Variants in UGT1A10 observed in about 807,000 individuals in gnomAD.
The protein encoded by UGT1A10 is UDP glucuronosyltransferase family 1 member A10.
UGT1A10 carries 49 observed loss-of-function variants against 45.8 expected under a neutral mutation model. That is an observed-to-expected ratio of 1.07 (90% CI 0.85 to 1.36). The LOEUF is 1.36. Among genes scored for constraint, UGT1A10 ranks in the 40% most tolerant of loss-of-function variants. The probability of loss-of-function intolerance (pLI) is 0.00; values close to 1 mark genes in which losing one functional copy is unlikely to be tolerated. For synonymous variants in UGT1A10, 284 were observed against 249.7 expected, an observed-to-expected ratio of 1.14 and a Z score of -1.29; for missense variants, 745 against 668.6, an observed-to-expected ratio of 1.11 and a Z score of -1.26.
chr2:233,712,298 G>T (rs1192832696), intron 1 of UGT1A10, among the ~76,000 whole-genome samples: 3 of 152,338 alleles, frequency 2.0e-5, no homozygotes, highest in East Asian at 1.9e-4. Context: ...CCATGGTGTA[G>T]ATGGAGAATC....
At chr2:233,673,188 T>C (rs2741049) in intron 1 of UGT1A10, among the ~76,000 whole-genome samples, 93,563 of 151,962 alleles carry the variant, frequency 0.62, 29,066 homozygotes, top group South Asian at 0.65. Context: ...ATATCTAATG[T>C]AAATTCTCAC....
intron 1 of UGT1A10, chr2:233,649,009 G>A (rs1575400377): frequency 1.5e-6 from 2 of 1,339,552 alleles, no homozygotes; most frequent in Non-Finnish European, 2.1e-6. Context: ...CTGCAATCAG[G>A]GAAAGCCAGT....
At chr2:233,686,386 C>G (rs976765081) in intron 1 of UGT1A10, among the ~76,000 whole-genome samples, 1 of 152,054 alleles carries the variant, frequency 6.6e-6, no homozygotes, top group Non-Finnish European at 1.5e-5. Flanking sequence ...AAAGACAACT[C>G]GTGTGGGCGC....
At chr2:233,756,964 A>G (rs1482766015) in intron 1 of UGT1A10, among the ~76,000 whole-genome samples, 2 of 152,056 alleles carry the variant, frequency 1.3e-5, no homozygotes, top group African/African-American at 4.8e-5. Context: ...GGCACTTGGT[A>G]AGCACGCAAT....
chr2:233,651,783 C>CTG (rs2073747367), intron 1 of UGT1A10, among the ~76,000 whole-genome samples: 1 of 152,242 alleles, frequency 6.6e-6, no homozygotes, highest in Admixed American at 6.5e-5. Context: ...GCATCTGTGC[C>CTG]TGTGTGTGTC....
At chr2:233,679,224 A>G (rs2074445354) in intron 1 of UGT1A10, among the ~76,000 whole-genome samples, 1 of 152,208 alleles carries the variant, frequency 6.6e-6, no homozygotes, top group Admixed American at 6.5e-5. Flanking sequence ...TGGCTAGGGA[A>G]TGGTCCAATA....
intron 1 of UGT1A10, among the ~76,000 whole-genome samples, chr2:233,660,285 C>T (rs1235628610): frequency 6.6e-6 from 1 of 152,132 alleles, no homozygotes; most frequent in Non-Finnish European, 1.5e-5. Context: ...CCATAGAAAA[C>T]CATGTGTAAT....
chr2:233,720,831 G>A (rs1315551380), intron 1 of UGT1A10, among the ~76,000 whole-genome samples: 2 of 150,572 alleles, frequency 1.3e-5, no homozygotes, highest in African/African-American at 2.4e-5. Context: ...TCAGTCTCCT[G>A]AGTAACTGGG....
chr2:233,745,241 G>C (rs1693049313), intron 1 of UGT1A10, among the ~76,000 whole-genome samples: 1 of 151,840 alleles, frequency 6.6e-6, no homozygotes. Context: ...ACTATTTACT[G>C]TATCGAAACC....
At chr2:233,724,935 G>A (rs1212268731) in intron 1 of UGT1A10, among the ~76,000 whole-genome samples, 1 of 143,666 alleles carries the variant, frequency 7.0e-6, no homozygotes, top group South Asian at 2.5e-4. Flanking sequence ...ACGAGACTCC[G>A]TCTGCAATCC....
At chr2:233,706,986 A>C (rs936707267) in intron 1 of UGT1A10, among the ~76,000 whole-genome samples, 2 of 152,186 alleles carry the variant, frequency 1.3e-5, no homozygotes, top group Non-Finnish European at 2.9e-5. Context: ...ACAGATAGGC[A>C]GTAAGAATCA....
At chr2:233,699,721 T>C (rs1221537846) in intron 1 of UGT1A10, among the ~76,000 whole-genome samples, 1 of 152,232 alleles carries the variant, frequency 6.6e-6, no homozygotes, top group East Asian at 1.9e-4. Flanking sequence ...CAGCATTTTT[T>C]ACGGAGCGTT....
chr2:233,637,610 A>G (rs754373694), intron 1 of UGT1A10, among the ~76,000 whole-genome samples: 2 of 152,222 alleles, frequency 1.3e-5, no homozygotes, highest in South Asian at 4.1e-4. Context: ...TTCAGGCTAC[A>G]TTTTAAAATA....
At chr2:233,641,256 C>A (rs1180768305) in intron 1 of UGT1A10, among the ~76,000 whole-genome samples, 1 of 152,158 alleles carries the variant, frequency 6.6e-6, no homozygotes, top group African/African-American at 2.4e-5. Context: ...TCCCATGCCA[C>A]ACCAGTCTCA....
At chr2:233,757,562 G>GTATATATATATA (rs1491042837) in intron 1 of UGT1A10, among the ~76,000 whole-genome samples, 1 of 90,870 alleles carries the variant, frequency 1.1e-5, no homozygotes, top group Non-Finnish European at 2.1e-5. Flanking sequence ...ATATATATAT[G>GTATATATATATA]TATATATGAT....
At chr2:233,716,775 G>C (rs1050671351) in intron 1 of UGT1A10, among the ~76,000 whole-genome samples, 4 of 152,178 alleles carry the variant, frequency 2.6e-5, no homozygotes, top group African/African-American at 9.7e-5. Flanking sequence ...CTCAGGTCAG[G>C]CTTTCGGGAT....
rs2073811971 is a variant in UGT1A10, at chr2:233,654,513, GA to G, written c.855+17143del. ...TCAACCTATCAGTGATTAAGGAATA[GA>G]AAAAAACGTTTTCTGCAGTTGATTA... On this transcript the variant is annotated intron_variant, in intron 1 of 4. Coordinates refer to ENST00000344644, the MANE Select transcript of UGT1A10 (RefSeq NM_019075.4). Among the ~76,000 whole-genome samples, 4 of 152,152 alleles carry G rather than the reference GA, an allele frequency of 2.6e-5. No homozygotes were observed. In the South Asian group the frequency reaches 8.3e-4, roughly 32 times the overall value.
intron 1 of UGT1A10, among the ~76,000 whole-genome samples, chr2:233,703,815 T>A (rs2075754424): frequency 1.3e-5 from 2 of 150,786 alleles, no homozygotes; most frequent in African/African-American, 4.9e-5. Context: ...ATCTCTGTCT[T>A]TTAATTGAGT....
At chr2:233,729,022 G>A (rs1236460241) in intron 1 of UGT1A10, 8 of 1,594,664 alleles carry the variant, frequency 5.0e-6, no homozygotes, top group South Asian at 4.6e-5. Flanking sequence ...CCAATTACAC[G>A]TTGATTTGCT....
Sources: gnomAD v4.1 joint callset for allele counts (sites outside exome capture counted in the v4.1 genomes callset) on GRCh38, gnomAD v4.1.1 for gene constraint, MANE v1.5 for transcripts, NCBI Gene and HGNC (gene_info 2026-07-23, HGNC 2026-07-21) for gene names.